The following NALCN variants were observed in gnomAD, a reference collection of about 807,000 sequenced individuals.
NALCN encodes sodium leak channel, non-selective.
A neutral mutation model predicts 225.3 loss-of-function variants in NALCN; 111 were observed. The observed-to-expected ratio is 0.49, with a 90% confidence interval of 0.42 to 0.58. The LOEUF is 0.58. Among genes scored for constraint, NALCN ranks in the 20% least tolerant of loss-of-function variants. The pLI, the probability that NALCN is intolerant of heterozygous loss-of-function variation, is 0.00. For synonymous variants in NALCN, 764 were observed against 769.0 expected, an observed-to-expected ratio of 0.99 and a Z score of 0.11; for missense variants, 1,378 against 2,202.4, an observed-to-expected ratio of 0.63 and a Z score of 7.49.
At chr13:101,291,967 A>G (rs1450717440) in intron 9 of NALCN, 23 bp downstream of exon 9, 1 of 1,612,062 alleles carries the variant, frequency 6.2e-7, no homozygotes, top group Non-Finnish European at 8.5e-7. Context: ...ATGGGTTATA[A>G]CATCCTCTTG....
intron 13 of NALCN, 43 bp downstream of exon 13, chr13:101,229,349 AT>A: frequency 6.9e-7 from 1 of 1,442,296 alleles, no homozygotes; most frequent in Non-Finnish European, 9.2e-7. Flanking sequence ...TATTACTAAA[AT>A]AAGAACAATG....
chr13:101,063,059 G>A (rs555466458), intron 40 of NALCN, among the ~76,000 whole-genome samples: 10 of 152,340 alleles, frequency 6.6e-5, no homozygotes, highest in East Asian at 5.8e-4. Context: ...TGCCTGGACT[G>A]AGCAGTCCAC....
chr13:101,224,031 T>C (rs1471812738), intron 13 of NALCN, among the ~76,000 whole-genome samples: 1 of 152,100 alleles, frequency 6.6e-6, no homozygotes, highest in African/African-American at 2.4e-5. Flanking sequence ...CAGATCATCC[T>C]TACTACACCC....
chr13:101,058,814 C>T (rs1428146933), intron 42 of NALCN: 2 of 152,424 alleles, frequency 1.3e-5, no homozygotes, highest in Non-Finnish European at 1.5e-5. Flanking sequence ...ACATTGCCAA[C>T]CATCTTCAGG....
chr13:101,366,113 T>G (rs2046370670), intron 6 of NALCN, among the ~76,000 whole-genome samples: 3 of 152,294 alleles, frequency 2.0e-5, no homozygotes, highest in Admixed American at 1.3e-4. Flanking sequence ...TCACAACACC[T>G]GTTTCTGCTA....
In NALCN at chr13:101,107,406, G is replaced by A. The variant is rs182069743; in HGVS notation, c.2579+81C>T. The A allele has an allele frequency of 3.1e-4, 501 of 1,599,534 alleles. 1 individual carries two copies. The highest frequency in any genetic ancestry group is 2.9e-3 in the East Asian group (130 of 44,544). ...TTTTGTGACCCCATTAGGATTACAC[G>A]TTCCTTCTTCTTCATATGACAACAC... On this transcript the variant is annotated intron_variant, in intron 22 of 43. Coordinates refer to ENST00000251127, the MANE Select transcript of NALCN (RefSeq NM_052867.4).
chr13:101,397,577 T>C (rs1242148596), intron 2 of NALCN, among the ~76,000 whole-genome samples: 1 of 151,302 alleles, frequency 6.6e-6, no homozygotes, highest in Non-Finnish European at 1.5e-5. Flanking sequence ...ACATATAACA[T>C]ATATGTGTAT....
chr13:101,332,674 A>G (rs970179757), intron 7 of NALCN, among the ~76,000 whole-genome samples: 4 of 152,238 alleles, frequency 2.6e-5, no homozygotes, highest in African/African-American at 7.2e-5. Context: ...ATTTAACAAA[A>G]GCAAAAATAA....
At chr13:101,060,160 A>G (rs1216738778) in intron 41 of NALCN, among the ~76,000 whole-genome samples, 193 bp from the exon 42 acceptor site, 1 of 152,040 alleles carries the variant, frequency 6.6e-6, no homozygotes, top group Non-Finnish European at 1.5e-5. Flanking sequence ...GTGGGCTTAG[A>G]GAGGTATGCA....
Position 101,299,421 on chromosome 13 carries a change from GTTTT to G in NALCN, c.800-7059_800-7056del, listed in dbSNP as rs201914575. Among the ~76,000 whole-genome samples the G allele has an allele frequency of 1.0e-4, 15 of 150,710 alleles. 1 individual carries two copies. Among genetic ancestry groups the G allele is most frequent in the African/African-American group, 3.2e-4 (13 of 40,726 alleles). The stretch of plus-strand genomic sequence containing the variant: ...TGTCCCAAGACAAACCACACACAGG[GTTTT>G]TTTTGTTTGTTTGTTTGTTTGTTTG... On this transcript the variant is annotated intron_variant, in intron 7 of 43. Transcript: ENST00000251127.
At position 101,246,060 on chromosome 13, in the gene NALCN, C is replaced by T. The variant is rs376582498; in HGVS notation, c.1267-8138G>A. Among the ~76,000 whole-genome samples, 16 of 152,254 alleles carry T rather than the reference C, an allele frequency of 1.1e-4. No individual in the cohort carries two copies. The East Asian group carries it at 2.7e-3, about 26-fold the overall frequency. ...GCTCACTCCCACACTGTGAAGTGTACTTTCACTTTCAATAAATCTCTGCTT... is the reference window on the plus strand; with the variant it reads ...GCTCACTCCCACACTGTGAAGTGTATTTTCACTTTCAATAAATCTCTGCTT... On this transcript the variant is annotated intron_variant, in intron 11 of 43. Transcript: ENST00000251127.
At chr13:101,205,098 A>G (rs1465303719) in intron 13 of NALCN, among the ~76,000 whole-genome samples, 2 of 152,122 alleles carry the variant, frequency 1.3e-5, no homozygotes, top group African/African-American at 2.4e-5. Context: ...TACAGGTAAA[A>G]GACATTTAAG....
At chr13:101,347,627 A>C (rs1021034419) in intron 6 of NALCN, among the ~76,000 whole-genome samples, 2 of 152,110 alleles carry the variant, frequency 1.3e-5, no homozygotes, top group Non-Finnish European at 2.9e-5. Context: ...GATGGTAAGG[A>C]GACTGGGCTT....
chr13:101,195,080 G>A (rs1182919671), intron 13 of NALCN, among the ~76,000 whole-genome samples: 2 of 152,130 alleles, frequency 1.3e-5, no homozygotes, highest in Non-Finnish European at 2.9e-5. Context: ...AAAGTACTGA[G>A]GGGCAACAGA....
At chr13:101,113,205 A>G (rs548382207) in intron 18 of NALCN, among the ~76,000 whole-genome samples, 28 of 152,328 alleles carry the variant, frequency 1.8e-4, no homozygotes, top group African/African-American at 5.5e-4. Context: ...ATACAAGGAG[A>G]CCACTGGCCA....
In NALCN at chr13:101,300,588, T is replaced by C. The variant is rs372611132; in HGVS notation, c.800-8222A>G. Among the ~76,000 whole-genome samples, 28 of 152,238 alleles carry C rather than the reference T, an allele frequency of 1.8e-4. 1 individual carries two copies. Among genetic ancestry groups the C allele is most frequent in the African/African-American group, 5.5e-4 (23 of 41,548 alleles). On this transcript the variant is annotated intron_variant, in intron 7 of 43. Coordinates refer to ENST00000251127, the MANE Select transcript of NALCN (RefSeq NM_052867.4). ...CCTCAGCCTCCCAAGGAGCTGGGAT[T>C]ACAGGCATAAGCCACCACGCTCAGC...
intron 14 of NALCN, among the ~76,000 whole-genome samples, chr13:101,183,768 A>C (rs2039338652): frequency 6.6e-6 from 1 of 151,778 alleles, no homozygotes; most frequent in African/African-American, 2.4e-5. Context: ...CCGATATTTC[A>C]ATTTATACTG....
At chr13:101,340,069 C>A (rs1029036552) in intron 7 of NALCN, among the ~76,000 whole-genome samples, 2 of 151,722 alleles carry the variant, frequency 1.3e-5, no homozygotes, top group Non-Finnish European at 2.9e-5. Context: ...AGATCGAGAC[C>A]CTCCTGGCTA....
chr13:101,068,153 T>C, intron 38 of NALCN, 120 bp from the exon 39 acceptor site: 1 of 650,102 alleles, frequency 1.5e-6, no homozygotes. Flanking sequence ...GCCAAATTTT[T>C]AAAGTGCTTT....
Sources: gnomAD v4.1 joint callset for allele counts (sites outside exome capture counted in the v4.1 genomes callset) on GRCh38, gnomAD v4.1.1 for gene constraint, MANE v1.5 for transcripts, NCBI Gene and HGNC (gene_info 2026-07-23, HGNC 2026-07-21) for gene names.